PELP1: variants seen among roughly 807,000 people sequenced by gnomAD.
The protein encoded by PELP1 is proline-, glutamic acid- and leucine-rich protein 1.
PELP1 carries 32 observed loss-of-function variants against 95.5 expected under a neutral mutation model. That is an observed-to-expected ratio of 0.34 (90% CI 0.25 to 0.45). PELP1 has a LOEUF of 0.45. Among genes scored for constraint, PELP1 ranks in the 20% least tolerant of loss-of-function variants. The pLI is 1.00. For missense variants in PELP1, 1,358 were observed against 1,444.8 expected (o/e 0.94, Z 0.97); for synonymous variants, 668 against 600.1 (o/e 1.11, Z -1.65).
chr17:4,703,015 G>C (rs1236854982), intron 1 of PELP1, among the ~76,000 whole-genome samples: 1 of 152,180 alleles, frequency 6.6e-6, no homozygotes, highest in Non-Finnish European at 1.5e-5. Context: ...ATTGCTTATG[G>C]AGGTGTATGA....
In PELP1 at chr17:4,670,586, T is replaced by G. The variant is rs1912157302; in HGVS notation, c.*853A>C. 1 of 152,256 alleles carries G rather than the reference T, an allele frequency of 6.6e-6. No individual in the cohort carries two copies. Among genetic ancestry groups the G allele is most frequent in the South Asian group, 2.1e-4 (1 of 4,828 alleles). The allele number at this position is 152,256 out of a possible 1,614,324, so 9.4% of individuals were successfully genotyped here. A position where few individuals can be genotyped will look rare whatever the true frequency, so the allele number is the denominator to read the frequency against. On this transcript the variant is annotated 3_prime_UTR_variant, in exon 17 of 17. Coordinates refer to ENST00000572293, the MANE Select transcript of PELP1 (RefSeq NM_014389.3). ...AAAAATACAAAAATTAGCCAGGCAG[T>G]GGCAGGCGCCTGTAATCCCAGCTAC...
chr17:4,680,098 T>C (rs775408949), intron 5 of PELP1, among the ~76,000 whole-genome samples: 12 of 152,262 alleles, frequency 7.9e-5, no homozygotes, highest in Admixed American at 2.0e-4. Flanking sequence ...TCTCAGCTGG[T>C]TTTCTCCTCT....
chr17:4,673,554 A>G lies in PELP1; in HGVS notation c.1638+65T>C, dbSNP rs568220133. On this transcript the variant is annotated intron_variant, in intron 14 of 16. Transcript: ENST00000572293. The surrounding 1 kb of genome is among the most constrained non-coding windows in gnomAD (Gnocchi z 5.7). The stretch of plus-strand genomic sequence containing the variant: ...CGGAATGGACCCACCTCTGGGCCAC[A>G]CCCCCCAATGTGTACAGAGCAGGGG... The G allele has an allele frequency of 1.9e-6, 3 of 1,575,608 alleles. No individual in the cohort carries two copies. In the African/African-American group the frequency reaches 4.1e-5, roughly 21 times the overall value.
Position 4,682,919 on chromosome 17 carries a change from C to A in PELP1, c.454G>T (p.Val152Leu). 1.3e-6 allele frequency: 2 copies of A among 1,554,248 alleles called. No individual in the cohort carries two copies. The highest frequency in any genetic ancestry group is 2.1e-5 in the Admixed American group (1 of 47,730). The change falls in exon 4 of 17, where the codon GTG (valine) becomes TTG (leucine). Residue 152 changes from valine to leucine, a missense_variant. This residue lies in a region of PELP1 where 538 missense variants were observed against 628.1 expected (regional missense o/e 0.86). Transcript: ENST00000572293. The stretch of plus-strand genomic sequence containing the variant: ...CGGAGGAGGTCCCTCAGGACAGCCA[C>A]GGCCAGCTCCATTGTGGCAGGCGGG... ...QDPPATMELA[V>L]AVLRDLLRYA...
At position 4,676,032 on chromosome 17, in the gene PELP1, A is replaced by G; in HGVS notation, c.980+4T>C. On this transcript the variant is annotated splice_donor_region_variant and intron_variant, in intron 8 of 16. Coordinates refer to ENST00000572293, the MANE Select transcript of PELP1 (RefSeq NM_014389.3). ...CCTCCGCTCCCTCCAATACCCACAC[A>G]CACCTGAGCATGAGCCCTAGGCAGC... is the stretch of plus-strand genomic sequence containing the variant. The G allele has an allele frequency of 6.2e-7, 1 of 1,613,656 alleles. No homozygotes were observed. The highest frequency in any genetic ancestry group is 8.5e-7 in the Non-Finnish European group (1 of 1,179,770).
intron 3 of PELP1, among the ~76,000 whole-genome samples, chr17:4,689,809 C>G (rs561117214): frequency 1.3e-5 from 2 of 152,086 alleles, no homozygotes; most frequent in Non-Finnish European, 2.9e-5. Context: ...AGGTGGATCA[C>G]GAGGTCAGGA....
At chr17:4,689,112 C>G (rs1321372137) in intron 3 of PELP1, among the ~76,000 whole-genome samples, 1 of 152,154 alleles carries the variant, frequency 6.6e-6, no homozygotes, top group Non-Finnish European at 1.5e-5. Context: ...CCCTTTTCAA[C>G]AAATGGTTCT....
Position 4,683,368 on chromosome 17 carries a change from C to A in PELP1, c.421-416G>T, listed in dbSNP as rs1244606566. ...CCCGAGTAGCTGAGACTACAAGCGCCCGCCACCACGCCTGACTAATTTTTT... is the reference window on the plus strand; with the variant it reads ...CCCGAGTAGCTGAGACTACAAGCGCACGCCACCACGCCTGACTAATTTTTT... On this transcript the variant is annotated intron_variant, in intron 3 of 16. Coordinates refer to ENST00000572293, the MANE Select transcript of PELP1 (RefSeq NM_014389.3). 5.3e-5 allele frequency among the ~76,000 whole-genome samples: 8 copies of A among 151,544 alleles called. No homozygotes were observed. The East Asian group carries it at 1.2e-3, about 22-fold the overall frequency.
In PELP1 at chr17:4,683,531, C is replaced by CTTTTTTTT. The variant is rs59870828; in HGVS notation, c.421-587_421-580dup. On this transcript the variant is annotated intron_variant, in intron 3 of 16. Transcript: ENST00000572293. ...ATCACGCCCAGCTGAGTTTTCTTTT[C>CTTTTTTTT]TTTTTTTTTTTTTTTTTGAGACAGA... is the stretch of plus-strand genomic sequence containing the variant. Among the ~76,000 whole-genome samples, 17 of 96,566 alleles carry CTTTTTTTT rather than the reference C, an allele frequency of 1.8e-4. 2 individuals carry two copies. The highest frequency in any genetic ancestry group is 2.3e-4 in the African/African-American group (6 of 26,092). The allele number at this position is 96,566 out of a possible 152,430, so 63.4% of individuals were successfully genotyped here.
At chr17:4,683,383 A>G (rs7226164) in intron 3 of PELP1, among the ~76,000 whole-genome samples, 144,494 of 151,598 alleles carry the variant, frequency 0.95, 69,266 homozygotes, top group East Asian at 1. Flanking sequence ...ACCACGCCTG[A>G]CTAATTTTTT....
At position 4,676,463 on chromosome 17, in the gene PELP1, G is replaced by C; in HGVS notation, c.747C>G (p.Gly249=). 6.2e-7 allele frequency: 1 copy of C among 1,613,774 alleles called. No individual in the cohort carries two copies. Among genetic ancestry groups the C allele is most frequent in the Non-Finnish European group, 8.5e-7 (1 of 1,179,870 alleles). ...CGGTGTGCTTCAGGCCTTGGGAAAA[G>C]CCAGCCCCTAAAGAGGGCAGCCGGG... ...CYSRLPSLGA[G]FSQGLKHTES... Residue 249 remains glycine, a synonymous_variant, in exon 7 of 17, where the codon GGC becomes GGG. Transcript: ENST00000572293.
chr17:4,702,805 G>T (rs1263636269), intron 1 of PELP1, among the ~76,000 whole-genome samples: 2 of 152,164 alleles, frequency 1.3e-5, no homozygotes, highest in South Asian at 2.1e-4. Context: ...TTTGGGGGAG[G>T]TTTAGTGGGA....
chr17:4,688,699 C>T (rs577772375), intron 3 of PELP1, among the ~76,000 whole-genome samples: 5 of 152,220 alleles, frequency 3.3e-5, no homozygotes, highest in South Asian at 4.1e-4. Flanking sequence ...AAATCACAGA[C>T]GACACAAACA....
chr17:4,694,184 A>G (rs1014816506), intron 1 of PELP1, among the ~76,000 whole-genome samples: 2 of 152,160 alleles, frequency 1.3e-5, no homozygotes, highest in Non-Finnish European at 2.9e-5. Flanking sequence ...AAAAAAGTAG[A>G]TTACTGTTTG....
chr17:4,681,991 C>A (rs908532090), intron 5 of PELP1, among the ~76,000 whole-genome samples: 1 of 151,762 alleles, frequency 6.6e-6, no homozygotes, highest in East Asian at 1.9e-4. Context: ...TGGCGAGACC[C>A]CCCTACAAAA....
chr17:4,675,535 A>G lies in PELP1; in HGVS notation c.1069-173T>C, dbSNP rs1249306014. 1.4e-6 allele frequency: 1 copy of G among 709,668 alleles called. No individual in the cohort carries two copies. Among genetic ancestry groups the G allele is most frequent in the South Asian group, 1.5e-5 (1 of 66,884 alleles). 44.0% of individuals were successfully genotyped at this position (709,668 alleles called of 1,614,324 possible). On this transcript the variant is annotated intron_variant, in intron 9 of 16. Transcript: ENST00000572293. This position sits in a 1 kb window ranked among gnomAD's most constrained non-coding sequence, Gnocchi z 4.3. ...ATCCTCTAAAATAGACCCTGGATGG[A>G]AGGTAAGAAGGATGGCTGGGCCTCT... is the stretch of plus-strand genomic sequence containing the variant.
chr17:4,698,008 G>GCTTTTT (rs1223259169), intron 1 of PELP1, among the ~76,000 whole-genome samples: 2 of 133,602 alleles, frequency 1.5e-5, no homozygotes, highest in African/African-American at 5.6e-5. Flanking sequence ...TTTCTGCAAG[G>GCTTTTT]TTTTTTTTTT....
At chr17:4,683,510 C>CCGGG (rs1912789538) in intron 3 of PELP1, among the ~76,000 whole-genome samples, 1 of 133,188 alleles carries the variant, frequency 7.5e-6, no homozygotes, top group African/African-American at 2.6e-5. Flanking sequence ...TGAGCCATCA[C>CCGGG]GCCCAGCTGA....
At chr17:4,689,368 C>T (rs551411962) in intron 3 of PELP1, among the ~76,000 whole-genome samples, 1 of 152,226 alleles carries the variant, frequency 6.6e-6, no homozygotes, top group Non-Finnish European at 1.5e-5. Flanking sequence ...CACAGCAAAA[C>T]AAATAATCAG....
Sources: allele counts gnomAD v4.1 joint callset (sites outside exome capture counted in the v4.1 genomes callset), GRCh38; gene constraint gnomAD v4.1.1; regional missense constraint gnomAD v4.1.1; non-coding constraint Gnocchi (gnomAD v3.1); transcripts MANE v1.5; gene names NCBI Gene and HGNC (gene_info 2026-07-23, HGNC 2026-07-21).